DTX1: variants seen among roughly 807,000 people sequenced by gnomAD.
DTX1 encodes deltex E3 ubiquitin ligase 1.
Under a neutral mutation model 57.8 loss-of-function variants are expected in DTX1, and 26 were observed. The observed-to-expected ratio is 0.45, with a 90% confidence interval of 0.33 to 0.62. The LOEUF is 0.62. Among genes scored for constraint, DTX1 ranks in the 20% least tolerant of loss-of-function variants. The pLI, the probability that DTX1 is intolerant of heterozygous loss-of-function variation, is 0.02. For synonymous variants in DTX1, 398 were observed against 394.1 expected (o/e 1.01, Z -0.12); for missense variants, 704 against 895.3 (o/e 0.79, Z 2.73).
intron 3 of DTX1, among the ~76,000 whole-genome samples, chr12:113,080,277 C>T (rs1385458861): frequency 6.6e-6 from 1 of 152,206 alleles, no homozygotes; most frequent in African/African-American, 2.4e-5. Flanking sequence ...GATAGAGTCA[C>T]TGAGATCTCA....
intron 3 of DTX1, among the ~76,000 whole-genome samples, chr12:113,088,844 T>TGTC (rs1950224618): frequency 1.3e-5 from 2 of 148,542 alleles, no homozygotes; most frequent in Non-Finnish European, 3.0e-5. Flanking sequence ...AAAGTTTTGT[T>TGTC]GTTGTTGTTG....
chr12:113,076,844 A>G (rs1013363980), intron 2 of DTX1, among the ~76,000 whole-genome samples: 2 of 152,320 alleles, frequency 1.3e-5, no homozygotes, highest in Admixed American at 1.3e-4. Context: ...TGAGCAAACT[A>G]TAATGAAGAA....
intron 3 of DTX1, among the ~76,000 whole-genome samples, chr12:113,084,421 C>T (rs762776864): frequency 5.3e-5 from 8 of 152,112 alleles, no homozygotes; most frequent in Non-Finnish European, 7.4e-5. Context: ...GGTCTCACTC[C>T]GTCACCCAGG....
chr12:113,095,486 G>A (rs1950282895), intron 9 of DTX1, 72 bp downstream of exon 9: 1 of 1,588,148 alleles, frequency 6.3e-7, no homozygotes, highest in South Asian at 1.1e-5. Flanking sequence ...GCCTGGGCCT[G>A]TGGTCCCCAT....
At position 113,078,125 on chromosome 12, in the gene DTX1, GA is replaced by G. The variant is rs1370412782; in HGVS notation, c.941+21del. The G allele has an allele frequency of 4.5e-6, 6 of 1,345,066 alleles. No individual in the cohort carries two copies. Among genetic ancestry groups the G allele is most frequent in the East Asian group, 3.1e-5 (1 of 31,834 alleles). The allele number at this position is 1,345,066 out of a possible 1,614,324, so 83.3% of individuals were successfully genotyped here. A position where few individuals can be genotyped will look rare whatever the true frequency, so the allele number is the denominator to read the frequency against. On this transcript the variant is annotated intron_variant, in intron 3 of 9. Coordinates refer to ENST00000548759, the MANE Select transcript of DTX1 (RefSeq NM_004416.3). ...GCCGGGGTAAGACGGGGCCCAGGGG[GA>G]GGGGGCCTCTGCGTCGTCCGCAGGC...
At chr12:113,073,770 T>G (rs115794841) in intron 2 of DTX1, among the ~76,000 whole-genome samples, 80 of 152,282 alleles carry the variant, frequency 5.3e-4, no homozygotes, top group African/African-American at 1.7e-3. Flanking sequence ...CCGAGGAAGA[T>G]GCCAATTAAC....
intron 9 of DTX1, 42 bp from the exon 10 acceptor site, chr12:113,096,673 C>G: frequency 6.4e-7 from 1 of 1,560,510 alleles, no homozygotes; most frequent in Non-Finnish European, 8.7e-7. Context: ...TGGAAGCTGC[C>G]TGTGACCTCC....
chr12:113,078,132 C>G, intron 3 of DTX1, 27 bp downstream of exon 3: 1 of 1,329,398 alleles, frequency 7.5e-7, no homozygotes. Flanking sequence ...GGGGAGGGGG[C>G]CTCTGCGTCG....
intron 3 of DTX1, among the ~76,000 whole-genome samples, chr12:113,090,704 CAG>C (rs1950241659): frequency 6.6e-6 from 1 of 152,216 alleles, no homozygotes; most frequent in South Asian, 2.1e-4. Context: ...CCACAGCCCT[CAG>C]AGGGGTCTGG....
At chr12:113,073,428 G>A (rs1441360697) in intron 2 of DTX1, among the ~76,000 whole-genome samples, 1 of 152,236 alleles carries the variant, frequency 6.6e-6, no homozygotes, top group African/African-American at 2.4e-5. Context: ...GCATCAGAGT[G>A]AGGCTGCCCC....
intron 3 of DTX1, among the ~76,000 whole-genome samples, chr12:113,084,940 C>T (rs1329551541): frequency 6.6e-6 from 1 of 151,996 alleles, no homozygotes; most frequent in East Asian, 1.9e-4. Context: ...CTGAGCTCAT[C>T]TTCCTCTCTG....
chr12:113,075,879 C>T (rs559630999), intron 2 of DTX1, among the ~76,000 whole-genome samples: 4 of 152,072 alleles, frequency 2.6e-5, no homozygotes, highest in Admixed American at 2.6e-4. Flanking sequence ...AAATATCGCT[C>T]GAGCACCTGC....
intron 3 of DTX1, among the ~76,000 whole-genome samples, chr12:113,086,401 T>C (rs2044857402): frequency 6.6e-6 from 1 of 151,824 alleles, no homozygotes. Context: ...CTCAGGGCAA[T>C]CGGTGGGAAA....
chr12:113,095,526 C>A, intron 9 of DTX1, 112 bp downstream of exon 9: 1 of 1,376,320 alleles, frequency 7.3e-7, no homozygotes. Context: ...CACATTCCTC[C>A]CAAAAGCAGC....
intron 2 of DTX1, among the ~76,000 whole-genome samples, chr12:113,066,031 A>G (rs1387791031): frequency 6.6e-6 from 1 of 152,044 alleles, no homozygotes; most frequent in Non-Finnish European, 1.5e-5. Flanking sequence ...GCCAGTCCCC[A>G]GGACAGCTCC....
Position 113,097,246 on chromosome 12 carries a change from C to T in DTX1, c.*307C>T, listed in dbSNP as rs141206415. On this transcript the variant is annotated 3_prime_UTR_variant, in exon 10 of 10. Coordinates refer to ENST00000548759, the MANE Select transcript of DTX1 (RefSeq NM_004416.3). ...TGTTGAACTCATGCACGCACACCCA[C>T]GTGCCTGTACTTGCCCCCAGGCTGG... The T allele has an allele frequency of 1.1e-3, 375 of 332,466 alleles. 6 individuals are homozygous for T. The East Asian group carries it at 0.014, about 12-fold the overall frequency. 20.6% of individuals were successfully genotyped at this position (332,466 alleles called of 1,614,324 possible).
Position 113,097,138 on chromosome 12 carries a change from T to C in DTX1, c.*199T>C. On this transcript the variant is annotated 3_prime_UTR_variant, in exon 10 of 10. Coordinates refer to ENST00000548759, the MANE Select transcript of DTX1 (RefSeq NM_004416.3). ...AGGCTGGCCCCGAATCATAGCTCCC[T>C]GAGAGGGCCAAGCAGAGAGTACTGG... 1 of 616,082 alleles carries C rather than the reference T, an allele frequency of 1.6e-6. No individual in the cohort carries two copies. The highest frequency in any genetic ancestry group is 2.0e-5 in the South Asian group (1 of 49,624). 38.2% of individuals were successfully genotyped at this position (616,082 alleles called of 1,614,324 possible). A position where few individuals can be genotyped will look rare whatever the true frequency, so the allele number is the denominator to read the frequency against.
At chr12:113,061,802 G>C (rs760442881) in intron 2 of DTX1, among the ~76,000 whole-genome samples, 117 of 151,928 alleles carry the variant, frequency 7.7e-4, no homozygotes, top group Admixed American at 8.5e-4. Context: ...CCGGGTTCAA[G>C]TGATTCTCGT....
chr12:113,057,009 G>A (rs2136419388), intron 1 of DTX1, 65 bp downstream of exon 1: 1 of 152,324 alleles, frequency 6.6e-6, no homozygotes, highest in East Asian at 1.9e-4. Flanking sequence ...AGCGGCTCGG[G>A]GACGTCTGGG....
Sources: gnomAD v4.1 joint callset for allele counts (sites outside exome capture counted in the v4.1 genomes callset) on GRCh38, gnomAD v4.1.1 for gene constraint, MANE v1.5 for transcripts, NCBI Gene and HGNC (gene_info 2026-07-23, HGNC 2026-07-21) for gene names.